The following CEP43 variants were observed in gnomAD, a reference collection of about 807,000 sequenced individuals.
The protein encoded by CEP43 is centrosomal protein 43, also known as FGFR1 oncogene partner.
A neutral mutation model predicts 52.6 loss-of-function variants in CEP43; 36 were observed. That is an observed-to-expected ratio of 0.68 (90% confidence interval 0.52 to 0.90). The LOEUF is 0.90. Among genes scored for constraint, CEP43 ranks in the 40% least tolerant of loss-of-function variants. The probability of loss-of-function intolerance (pLI) is 0.00; values close to 1 mark genes in which losing one functional copy is unlikely to be tolerated. For synonymous variants in CEP43, 192 were observed against 172.4 expected, an observed-to-expected ratio of 1.11 and a Z score of -0.89; for missense variants, 506 against 472.8, an observed-to-expected ratio of 1.07 and a Z score of -0.65.
chr6:167,013,933 A>G (rs1780038019), intron 7 of CEP43, among the ~76,000 whole-genome samples: 1 of 152,218 alleles, frequency 6.6e-6, no homozygotes, highest in African/African-American at 2.4e-5. Flanking sequence ...AAATCGTGCC[A>G]TTGCACTCCA....
chr6:167,011,141 T>C lies in CEP43; in HGVS notation c.519+248T>C, dbSNP rs374914294. The stretch of plus-strand genomic sequence containing the variant: ...GTAAGTAACAGAATCATAGAATATT[T>C]GGATTTATTTGGTACTTCGGACATT... On this transcript the variant is annotated intron_variant, in intron 6 of 12. Transcript: ENST00000366847. 9.2e-5 allele frequency among the ~76,000 whole-genome samples: 14 copies of C among 152,358 alleles called. No homozygotes were observed. In the South Asian group the frequency reaches 2.7e-3, roughly 29 times the overall value.
chr6:167,013,562 GACAAGGTAAC>G lies in CEP43; in HGVS notation c.576_579+6del, dbSNP rs771540401. The G allele has an allele frequency of 8.7e-6, 14 of 1,613,630 alleles. No individual in the cohort carries two copies. Among genetic ancestry groups the G allele is most frequent in the Non-Finnish European group, 1.2e-5 (14 of 1,179,712 alleles). ...GAAGACAAGCGGGCAGAAGGCTGGT[GACAAGGTAAC>G]ATGCATGAGGGCAGAGGAGAAAAGC... On this transcript the variant is annotated splice_donor_variant and splice_donor_5th_base_variant and coding_sequence_variant and intron_variant, in exon 7 of 13. Transcript: ENST00000366847. LOFTEE classifies it high-confidence loss of function.
At chr6:167,029,282 A>G (rs1167552143) in intron 10 of CEP43, among the ~76,000 whole-genome samples, 1 of 152,208 alleles carries the variant, frequency 6.6e-6, no homozygotes, top group African/African-American at 2.4e-5. Flanking sequence ...AAAATGAAGA[A>G]AACAAGAATC....
At chr6:167,019,831 C>T (rs1255776846) in intron 7 of CEP43, among the ~76,000 whole-genome samples, 1 of 152,072 alleles carries the variant, frequency 6.6e-6, no homozygotes, top group East Asian at 1.9e-4. Flanking sequence ...ATTTAAGTTA[C>T]ATTGGCAGTG....
intron 5 of CEP43, among the ~76,000 whole-genome samples, chr6:167,009,627 T>C (rs1272555957): frequency 6.9e-6 from 1 of 144,502 alleles, no homozygotes; most frequent in Non-Finnish European, 1.5e-5. Context: ...ATCTCGCCAT[T>C]GCACTCTAAC....
At position 167,046,328 on chromosome 6, in the gene CEP43, G is replaced by A. The variant is rs1417188951; in HGVS notation, c.*6350G>A. 1.3e-5 allele frequency: 2 copies of A among 152,316 alleles called. No homozygotes were observed. Among genetic ancestry groups the A allele is most frequent in the East Asian group, 1.9e-4 (1 of 5,176 alleles). The allele number at this position is 152,316 out of a possible 1,614,324, so 9.4% of individuals were successfully genotyped here. A position where few individuals can be genotyped will look rare whatever the true frequency, so the allele number is the denominator to read the frequency against. On this transcript the variant is annotated 3_prime_UTR_variant, in exon 13 of 13. Transcript: ENST00000366847. ...AGAAAGAGGAAGGAAGGAAGGGAGG[G>A]AGGGAGAGAAGGAGAAAGGAAGAAA...
chr6:167,044,733 A>G lies in CEP43; in HGVS notation c.*4755A>G, dbSNP rs1780765574. The G allele has an allele frequency of 5.4e-6, 1 of 185,864 alleles. No homozygotes were observed. The highest frequency in any genetic ancestry group is 1.9e-4 in the East Asian group (1 of 5,320). The allele number at this position is 185,864 out of a possible 1,614,324, so 11.5% of individuals were successfully genotyped here. ...TTGCGTTGTGGCCCTGCCTGCAGAA[A>G]CGTGTGCTCTGCTACAGCCCTGGGA... On this transcript the variant is annotated 3_prime_UTR_variant, in exon 13 of 13. Coordinates refer to ENST00000366847, the MANE Select transcript of CEP43 (RefSeq NM_007045.4).
intron 7 of CEP43, among the ~76,000 whole-genome samples, chr6:167,018,459 C>T (rs572549159): frequency 6.6e-6 from 1 of 152,146 alleles, no homozygotes; most frequent in South Asian, 2.1e-4. Context: ...GCGGCGATTA[C>T]AGCTCACTGC....
chr6:167,040,625 T>C lies in CEP43; in HGVS notation c.*647T>C. 9.7e-7 allele frequency: 1 copy of C among 1,034,370 alleles called. No homozygotes were observed. The highest frequency in any genetic ancestry group is 1.7e-5 in the African/African-American group (1 of 59,504). 64.1% of individuals were successfully genotyped at this position (1,034,370 alleles called of 1,614,324 possible). On this transcript the variant is annotated 3_prime_UTR_variant, in exon 13 of 13. Transcript: ENST00000366847. ...GAAATCTAGAAGTGGTTATGAGTTT[T>C]AATTCATAGAATTGTCAATAACATA...
At chr6:167,028,413 CAGGTGAG>C (rs951122030) in intron 10 of CEP43, 1 of 984,914 alleles carries the variant, frequency 1.0e-6, no homozygotes, top group African/African-American at 1.7e-5. Context: ...GGTAGTTATG[CAGGTGAG>C]AACTACCAGT....
At chr6:166,999,612 G>A (rs1191463284) in intron 1 of CEP43, 98 bp downstream of exon 1, 3 of 905,056 alleles carry the variant, frequency 3.3e-6, no homozygotes, top group East Asian at 3.3e-5. Flanking sequence ...CCTCCCTGGC[G>A]AGGGACCGGG....
rs1364569631 is a variant in CEP43, at chr6:167,041,810, CTACA to C, written c.*1838_*1841del. ...CAAATATGAAACTTTTTTGTCAGCA[CTACA>C]TACATCTTTTTTTTGCGGGGGGCGG... On this transcript the variant is annotated 3_prime_UTR_variant, in exon 13 of 13. Coordinates refer to ENST00000366847, the MANE Select transcript of CEP43 (RefSeq NM_007045.4). The C allele has an allele frequency of 1.8e-5, 10 of 561,426 alleles. No individual in the cohort carries two copies. Among genetic ancestry groups the C allele is most frequent in the Non-Finnish European group, 2.2e-5 (10 of 456,500 alleles). The allele number at this position is 561,426 out of a possible 1,614,324, so 34.8% of individuals were successfully genotyped here.
Position 167,003,255 on chromosome 6 carries a change from G to T in CEP43, c.211+8G>T. On this transcript the variant is annotated splice_region_variant and intron_variant, in intron 3 of 12. Coordinates refer to ENST00000366847, the MANE Select transcript of CEP43 (RefSeq NM_007045.4). Reference sequence around the variant, plus strand: ...TTTTAAATACCAAAGACGGTAAGATGTTCAGTTTGTTCTTGTTTATCTATC... The same window carrying T: ...TTTTAAATACCAAAGACGGTAAGATTTTCAGTTTGTTCTTGTTTATCTATC... The T allele has an allele frequency of 1.4e-6, 2 of 1,437,154 alleles. No homozygotes were observed. The highest frequency in any genetic ancestry group is 1.3e-5 in the South Asian group (1 of 75,874). 89.0% of individuals were successfully genotyped at this position (1,437,154 alleles called of 1,614,324 possible). A position where few individuals can be genotyped will look rare whatever the true frequency, so the allele number is the denominator to read the frequency against.
chr6:167,002,608 C>T (rs1583265718), intron 2 of CEP43, among the ~76,000 whole-genome samples: 2 of 152,242 alleles, frequency 1.3e-5, no homozygotes, highest in South Asian at 2.1e-4. Flanking sequence ...GAGGCTGCCA[C>T]TGTAGCAGCA....
rs1156342156 is a variant in CEP43 at position 167,050,295 on chromosome 6, C to G, written c.*10317C>G. The G allele has an allele frequency of 1.3e-5, 2 of 152,290 alleles. No individual in the cohort carries two copies. The highest frequency in any genetic ancestry group is 2.9e-5 in the Non-Finnish European group (2 of 68,116). 9.4% of individuals were successfully genotyped at this position (152,290 alleles called of 1,614,324 possible). A position where few individuals can be genotyped will look rare whatever the true frequency, so the allele number is the denominator to read the frequency against. On this transcript the variant is annotated 3_prime_UTR_variant, in exon 13 of 13. Transcript: ENST00000366847. Reference sequence around the variant, plus strand: ...TGCCATGAGTGTAAGTTTCATGAGGCCTCCCCAGCCATGCTGAACTGTGAG... The same window carrying G: ...TGCCATGAGTGTAAGTTTCATGAGGGCTCCCCAGCCATGCTGAACTGTGAG...
chr6:167,036,595 CTT>C (rs780282622), intron 12 of CEP43: 318 of 985,424 alleles, frequency 3.2e-4, no homozygotes, highest in Middle Eastern at 5.2e-4. Context: ...CTTCATAAAA[CTT>C]TTCAAAATCT....
intron 12 of CEP43, chr6:167,036,751 G>T: frequency 1.0e-6 from 1 of 984,914 alleles, no homozygotes; most frequent in South Asian, 4.7e-5. Context: ...TGGTCACTTT[G>T]AGTTCTTATT....
At chr6:167,022,061 T>C (rs889544880) in intron 7 of CEP43, among the ~76,000 whole-genome samples, 1 of 152,222 alleles carries the variant, frequency 6.6e-6, no homozygotes, top group African/African-American at 2.4e-5. Flanking sequence ...GATGGGAAAT[T>C]GTTTCTCAAT....
rs771599572 is a variant in CEP43, at chr6:167,042,078, A to AGG, written c.*2100_*2101insGG. The AGG allele has an allele frequency of 1.1e-6, 1 of 937,880 alleles. No individual in the cohort carries two copies. The allele number at this position is 937,880 out of a possible 1,614,324, so 58.1% of individuals were successfully genotyped here. On this transcript the variant is annotated 3_prime_UTR_variant, in exon 13 of 13. Transcript: ENST00000366847. ...ACCTCGTTCCTGCCTTAGCCTCCTA[A>AGG]AGTGCCGGGATTACAGGCGTGAACC...
Sources: gnomAD v4.1 joint callset for allele counts (sites outside exome capture counted in the v4.1 genomes callset) on GRCh38, gnomAD v4.1.1 for gene constraint, MANE v1.5 for transcripts, NCBI Gene and HGNC (gene_info 2026-07-23, HGNC 2026-07-21) for gene names.